Variants in SBNO1 observed in about 807,000 individuals in gnomAD.
SBNO1 encodes the protein strawberry notch homolog 1, also known as protein strawberry notch homolog 1.
SBNO1 carries 23 observed loss-of-function variants against 173.6 expected under a neutral mutation model. That is an observed-to-expected ratio of 0.13 (90% CI 0.10 to 0.19). The LOEUF is 0.19. SBNO1 is among the 10% of genes least tolerant of loss of function. The pLI is 1.00. For missense variants in SBNO1, 1,238 were observed against 1,671.2 expected (o/e 0.74, Z 4.52); for synonymous variants, 632 against 571.5 (o/e 1.11, Z -1.51).
intron 1 of SBNO1, chr12:123,364,080 A>T: frequency 1.0e-6 from 1 of 985,434 alleles, no homozygotes; most frequent in Non-Finnish European, 1.2e-6. Flanking sequence ...TCGCCCGCCG[A>T]GGCAGAACTA....
Position 123,334,046 on chromosome 12 carries a change from T to G in SBNO1, c.909+7A>C. 1 of 1,538,550 alleles carries G rather than the reference T, an allele frequency of 6.5e-7. No homozygotes were observed. Among genetic ancestry groups the G allele is most frequent in the African/African-American group, 1.4e-5 (1 of 71,952 alleles). On this transcript the variant is annotated splice_region_variant and intron_variant, in intron 7 of 31. Coordinates refer to ENST00000602398, the MANE Select transcript of SBNO1 (RefSeq NM_001167856.3). ...TAATTATTGTATTATGAAATATTAT[T>G]GCTTACCTGGGCTGCATATGTAATT...
Position 123,309,396 on chromosome 12 carries a change from C to T in SBNO1, c.3544G>A (p.Val1182Ile), listed in dbSNP as rs2049000783. The change falls in exon 28 of 32, where the codon GTA becomes ATA. Residue 1182 changes from valine to isoleucine, a missense_variant. By Grantham distance (29) the Val-to-Ile change is conservative. Around this residue, in one of 14 missense-constraint regions of SBNO1, gnomAD observed 351 missense variants for 420.3 expected, o/e 0.84. Transcript: ENST00000602398. ...SGHVELYTISVERGMSWEEAT... is the reference protein window; with the variant it reads ...SGHVELYTISIERGMSWEEAT... ...TCCTCCCATGACATTCCCCTCTCTA[C>T]ACTAATCTGTAAGAGAAACAACGAA... is the stretch of plus-strand genomic sequence containing the variant. The T allele has an allele frequency of 1.2e-6, 2 of 1,613,348 alleles. No homozygotes were observed. The highest frequency in any genetic ancestry group is 4.5e-5 in the East Asian group (2 of 44,878).
chr12:123,343,577 C>T (rs1276032911), intron 4 of SBNO1, among the ~76,000 whole-genome samples: 3 of 141,890 alleles, frequency 2.1e-5, no homozygotes, highest in African/African-American at 5.3e-5. Context: ...CTTGCTCTGT[C>T]GCCCAGGCTG....
Position 123,345,345 on chromosome 12 carries a change from T to G in SBNO1, c.463A>C (p.Lys155Gln). 1.2e-6 allele frequency: 2 copies of G among 1,614,196 alleles called. No homozygotes were observed. The highest frequency in any genetic ancestry group is 1.7e-6 in the Non-Finnish European group (2 of 1,179,994). ...SAPSKDQVQL[K>Q]DLLKNNSLNE... is the part of the protein sequence containing the mutation. The stretch of plus-strand genomic sequence containing the variant: ...AGACTATTATTTTTCAGTAGATCTT[T>G]AAGCTGAACTTGGTCTTTTGAAGGT... Residue 155 changes from lysine to glutamine, a missense_variant, in exon 4 of 32, where the codon AAA becomes CAA. Physicochemically the swap from Lys to Gln is moderately conservative, Grantham distance 53. This residue lies in a region of SBNO1 where 287 missense variants were observed against 274.1 expected (regional missense o/e 1.05). Transcript: ENST00000602398.
At chr12:123,321,480 T>C (rs778817697) in intron 17 of SBNO1, 55 bp downstream of exon 17, 2 of 1,288,690 alleles carry the variant, frequency 1.6e-6, no homozygotes, top group Non-Finnish European at 2.3e-6. Flanking sequence ...TATCCCATTT[T>C]CAAATATACT....
rs577134695 is a variant in SBNO1 at position 123,326,455 on chromosome 12, T to C, written c.1693-121A>G. On this transcript the variant is annotated intron_variant, in intron 13 of 31. Transcript: ENST00000602398. ...TTTAATATTAATTTAATAAATCATCTTTAGTAACTTGGGAATCTATTTCTC... is the reference window on the plus strand; with the variant it reads ...TTTAATATTAATTTAATAAATCATCCTTAGTAACTTGGGAATCTATTTCTC... 1.3e-5 allele frequency: 7 copies of C among 536,852 alleles called. No homozygotes were observed. The South Asian group carries it at 4.0e-4, about 31-fold the overall frequency. The allele number at this position is 536,852 out of a possible 1,614,324, so 33.3% of individuals were successfully genotyped here. A position where few individuals can be genotyped will look rare whatever the true frequency, so the allele number is the denominator to read the frequency against.
intron 1 of SBNO1, chr12:123,364,361 C>A: frequency 1.0e-6 from 1 of 985,212 alleles, no homozygotes; most frequent in Non-Finnish European, 1.2e-6. Flanking sequence ...GCGAACCCAG[C>A]GGAGCCGGCG....
chr12:123,313,438 A>T (rs1452628999), intron 24 of SBNO1, among the ~76,000 whole-genome samples, 182 bp downstream of exon 24: 1 of 152,092 alleles, frequency 6.6e-6, no homozygotes, highest in Non-Finnish European at 1.5e-5. Flanking sequence ...ATTTGAATAA[A>T]ATTTGCTTTA....
At chr12:123,321,337 T>G (rs1869953787) in intron 17 of SBNO1, among the ~76,000 whole-genome samples, 198 bp downstream of exon 17, 1 of 152,220 alleles carries the variant, frequency 6.6e-6, no homozygotes, top group Non-Finnish European at 1.5e-5. Flanking sequence ...TAAAAATAAC[T>G]GCACAAAATT....
At chr12:123,338,728 G>A (rs544826110) in intron 5 of SBNO1, among the ~76,000 whole-genome samples, 1 of 151,672 alleles carries the variant, frequency 6.6e-6, no homozygotes, top group South Asian at 2.1e-4. Flanking sequence ...TCTGGGTGTG[G>A]TGGTGGTGGT....
Position 123,345,364 on chromosome 12 carries a change from T to C in SBNO1, c.444A>G (p.Ser148=). The change falls in exon 4 of 32, where the codon TCA becomes TCG. Residue 148 remains serine (S), a synonymous_variant. Coordinates refer to ENST00000602398, the MANE Select transcript of SBNO1 (RefSeq NM_001167856.3). ...GATCTTTAAGCTGAACTTGGTCTTTTGAAGGTGCAGAGGTCATGGCATTTC... is the reference window on the plus strand; with the variant it reads ...GATCTTTAAGCTGAACTTGGTCTTTCGAAGGTGCAGAGGTCATGGCATTTC... The part of the protein sequence containing the change: ...TVRNAMTSAP[S]KDQVQLKDLL... The C allele has an allele frequency of 6.2e-7, 1 of 1,614,212 alleles. No individual in the cohort carries two copies. The highest frequency in any genetic ancestry group is 1.7e-5 in the Admixed American group (1 of 60,006).
In SBNO1 at chr12:123,295,225, A is replaced by C. The variant is rs1370070361; in HGVS notation, c.*683T>G. 6.6e-6 allele frequency: 1 copy of C among 152,206 alleles called. No individual in the cohort carries two copies. The highest frequency in any genetic ancestry group is 1.5e-5 in the Non-Finnish European group (1 of 68,042). 9.4% of individuals were successfully genotyped at this position (152,206 alleles called of 1,614,324 possible). A position where few individuals can be genotyped will look rare whatever the true frequency, so the allele number is the denominator to read the frequency against. ...GGGAAGGAGGGGTCTGCAGGGTTTG[A>C]AGCAATACCCAGGTATAAACACTAT... On this transcript the variant is annotated 3_prime_UTR_variant, in exon 32 of 32. Transcript: ENST00000602398.
chr12:123,326,082 A>G, intron 14 of SBNO1, 70 bp downstream of exon 14: 1 of 1,081,076 alleles, frequency 9.3e-7, no homozygotes, highest in Non-Finnish European at 1.3e-6. Context: ...TACAAGCAGA[A>G]AACCTCAGCA....
In SBNO1 at chr12:123,321,736, CCCT is replaced by C; in HGVS notation, c.2126-7_2126-5del. 1 of 1,613,462 alleles carries C rather than the reference CCCT, an allele frequency of 6.2e-7. No individual in the cohort carries two copies. The highest frequency in any genetic ancestry group is 8.5e-7 in the Non-Finnish European group (1 of 1,179,552). On this transcript the variant is annotated splice_region_variant and splice_polypyrimidine_tract_variant and intron_variant, in intron 16 of 31. Coordinates refer to ENST00000602398, the MANE Select transcript of SBNO1 (RefSeq NM_001167856.3). ...GCTTCTCGAGTTATTTCTTCACCTA[CCCT>C]CCGCCACAAACAAGAGAGTCAGCCC...
chr12:123,309,502 A>G lies in SBNO1; in HGVS notation c.3524T>C (p.Val1175Ala), dbSNP rs775834999. Residue 1175 changes from valine (V) to alanine (A), a missense_variant, in exon 27 of 32, where the codon GTA (valine) becomes GCA (alanine). Around this residue, in one of 14 missense-constraint regions of SBNO1, gnomAD observed 351 missense variants for 420.3 expected, o/e 0.84. Transcript: ENST00000602398. ...LTPGYSTSGH[V>A]ELYTISVERG... is the part of the protein sequence containing the mutation. ...TTCTAAACTTACTGTGTATAATTCTACGTGGCCAGAGGTTGAATATCCTGG... is the reference window on the plus strand; with the variant it reads ...TTCTAAACTTACTGTGTATAATTCTGCGTGGCCAGAGGTTGAATATCCTGG... The G allele has an allele frequency of 8.7e-6, 14 of 1,612,990 alleles. No individual in the cohort carries two copies. Among genetic ancestry groups the G allele is most frequent in the Admixed American group, 5.0e-5 (3 of 60,020 alleles).
chr12:123,357,415 C>A (rs1240281549), intron 1 of SBNO1, among the ~76,000 whole-genome samples: 1 of 151,760 alleles, frequency 6.6e-6, no homozygotes, highest in Admixed American at 6.6e-5. Context: ...CACCACTGCA[C>A]TCCAGCCTGG....
intron 5 of SBNO1, among the ~76,000 whole-genome samples, chr12:123,339,460 T>C (rs925273315): frequency 3.3e-5 from 5 of 152,092 alleles, no homozygotes; most frequent in African/African-American, 7.2e-5. Context: ...GGTCCCTCCA[T>C]GTCTACTGGC....
intron 24 of SBNO1, among the ~76,000 whole-genome samples, chr12:123,313,378 C>T: frequency 6.6e-6 from 1 of 152,010 alleles, no homozygotes; most frequent in East Asian, 1.9e-4. Context: ...TCTATTAAAT[C>T]TCTTATTAGA....
At chr12:123,320,976 G>A (rs1593358314) in intron 17 of SBNO1, 110 bp from the exon 18 acceptor site, 4 of 920,148 alleles carry the variant, frequency 4.3e-6, no homozygotes, top group Non-Finnish European at 6.3e-6. Context: ...TTTCGCTGTT[G>A]TAGCCCAGGC....
Sources: allele counts gnomAD v4.1 joint callset (sites outside exome capture counted in the v4.1 genomes callset), GRCh38; gene constraint gnomAD v4.1.1; regional missense constraint gnomAD v4.1.1; transcripts MANE v1.5; gene names NCBI Gene and HGNC (gene_info 2026-07-23, HGNC 2026-07-21).